The following FBXW8 variants were observed in gnomAD, a reference collection of about 807,000 sequenced individuals.
FBXW8 encodes the protein F-box and WD repeat domain containing 8.
Under a neutral mutation model 65.3 loss-of-function variants are expected in FBXW8, and 57 were observed. The ratio of observed to expected loss-of-function variants is 0.87; its 90% CI spans 0.71 to 1.09. The LOEUF is 1.09. Among genes scored for constraint, FBXW8 ranks in the 50% least tolerant of loss-of-function variants. The pLI is 0.00. For synonymous variants in FBXW8, 308 were observed against 330.2 expected, an observed-to-expected ratio of 0.93 and a Z score of 0.73; for missense variants, 777 against 814.8, an observed-to-expected ratio of 0.95 and a Z score of 0.57.
intron 2 of FBXW8, among the ~76,000 whole-genome samples, chr12:116,934,654 G>A (rs1882030932): frequency 6.6e-6 from 1 of 152,016 alleles, no homozygotes; most frequent in Admixed American, 6.6e-5. Flanking sequence ...AAATTCATAG[G>A]AAGTTGCAAA....
At chr12:116,968,836 C>T (rs1385494208) in intron 5 of FBXW8, among the ~76,000 whole-genome samples, 1 of 152,000 alleles carries the variant, frequency 6.6e-6, no homozygotes, top group African/African-American at 2.4e-5. Context: ...AAATGTGTAC[C>T]TGCTACTTGT....
At chr12:116,967,057 A>G (rs1884370911) in intron 5 of FBXW8, among the ~76,000 whole-genome samples, 1 of 152,134 alleles carries the variant, frequency 6.6e-6, no homozygotes, top group Admixed American at 6.5e-5. Flanking sequence ...AATGACAAAG[A>G]AAAAGTATGC....
chr12:117,027,874 C>G (rs1954271510), intron 10 of FBXW8, among the ~76,000 whole-genome samples, 154 bp from the exon 11 acceptor site: 1 of 152,248 alleles, frequency 6.6e-6, no homozygotes, highest in Non-Finnish European at 1.5e-5. Flanking sequence ...AAGCCGGGGA[C>G]TGTGAGTATC....
chr12:116,944,265 G>A (rs987477671), intron 2 of FBXW8, among the ~76,000 whole-genome samples: 1 of 152,098 alleles, frequency 6.6e-6, no homozygotes, highest in African/African-American at 2.4e-5. Context: ...ATCATTTTTG[G>A]TGGAATTCTT....
chr12:117,000,255 C>T (rs113888569), intron 7 of FBXW8, among the ~76,000 whole-genome samples: 1,891 of 152,304 alleles, frequency 0.012, 46 homozygotes, highest in African/African-American at 0.043. Flanking sequence ...GGATTACAGG[C>T]GTGAGCCACC....
chr12:117,020,777 A>G (rs188334899), intron 8 of FBXW8, among the ~76,000 whole-genome samples: 1 of 152,228 alleles, frequency 6.6e-6, no homozygotes, highest in East Asian at 1.9e-4. Flanking sequence ...GTCGCAGCTC[A>G]CCCTCTCCTG....
At chr12:117,024,070 CGTGGAG>C in intron 8 of FBXW8, 71 bp from the exon 9 acceptor site, 1 of 1,496,670 alleles carries the variant, frequency 6.7e-7, no homozygotes, top group African/African-American at 1.4e-5. Context: ...AGACCAGCAC[CGTGGAG>C]GGGGAGTTTG....
At chr12:116,928,812 C>T (rs1344766484) in intron 2 of FBXW8, among the ~76,000 whole-genome samples, 1 of 151,980 alleles carries the variant, frequency 6.6e-6, no homozygotes, top group Admixed American at 6.6e-5. Context: ...GCCTGACAGT[C>T]AACTTTCTTT....
At chr12:116,946,370 C>T (rs1882936682) in intron 3 of FBXW8, among the ~76,000 whole-genome samples, 1 of 152,174 alleles carries the variant, frequency 6.6e-6, no homozygotes, top group African/African-American at 2.4e-5. Context: ...CTAGCAAAGT[C>T]AATAAGAGCA....
chr12:116,982,640 T>TC (rs1313687063), intron 5 of FBXW8, among the ~76,000 whole-genome samples: 11 of 136,114 alleles, frequency 8.1e-5, no homozygotes, highest in Admixed American at 3.0e-4. Context: ...TTTTTTTTTT[T>TC]CCCAAAAAGA....
chr12:116,939,547 T>C (rs748520791), intron 2 of FBXW8, among the ~76,000 whole-genome samples: 1 of 152,234 alleles, frequency 6.6e-6, no homozygotes. Context: ...TCCATGTAAT[T>C]AAAGAATGGC....
intron 8 of FBXW8, among the ~76,000 whole-genome samples, chr12:117,017,561 T>C (rs1191487939): frequency 6.6e-6 from 1 of 152,230 alleles, no homozygotes; most frequent in Non-Finnish European, 1.5e-5. Context: ...GATTTTGGCA[T>C]ATAAGGTTAT....
intron 8 of FBXW8, among the ~76,000 whole-genome samples, chr12:117,017,927 T>C (rs185711170): frequency 9.2e-5 from 14 of 152,172 alleles, no homozygotes; most frequent in African/African-American, 2.9e-4. Flanking sequence ...CTGACAAATA[T>C]AAAGTTGTGT....
intron 4 of FBXW8, among the ~76,000 whole-genome samples, chr12:116,960,021 C>T (rs1404445622): frequency 6.6e-6 from 1 of 152,200 alleles, no homozygotes; most frequent in Non-Finnish European, 1.5e-5. Context: ...GTTCCAAAGG[C>T]TTACTGACAA....
At chr12:117,000,068 G>A (rs1450424728) in intron 7 of FBXW8, among the ~76,000 whole-genome samples, 1 of 144,030 alleles carries the variant, frequency 6.9e-6, no homozygotes, top group Non-Finnish European at 1.5e-5. Flanking sequence ...TGCAAGCTCC[G>A]CCTCCCGGGT....
Position 116,998,345 on chromosome 12 carries a change from A to G in FBXW8, c.1239+9476A>G, listed in dbSNP as rs995693552. On this transcript the variant is annotated intron_variant, in intron 7 of 10. Transcript: ENST00000652555. ...GCCAATAACATCTGTACCATTTTCT[A>G]ATTTTTAAAGGAATTATTCAGTCTT... Among the ~76,000 whole-genome samples, 3 of 149,528 alleles carry G rather than the reference A, an allele frequency of 2.0e-5. 1 individual carries two copies. The East Asian group carries it at 5.9e-4, about 30-fold the overall frequency.
intron 4 of FBXW8, among the ~76,000 whole-genome samples, chr12:116,960,632 C>T (rs1883924681): frequency 6.6e-6 from 1 of 152,158 alleles, no homozygotes; most frequent in Non-Finnish European, 1.5e-5. Context: ...GTGTTTCACT[C>T]ATCATTACCA....
chr12:117,010,361 G>A lies in FBXW8; in HGVS notation c.1278G>A (p.Leu426=). Residue 426 remains leucine, a synonymous_variant, in exon 8 of 11, where the codon TTG becomes TTA. Transcript: ENST00000652555. ...GCCTGGAAGCAGGACGCCGCCTCTT[G>A]AAGCTGGGTAACGTTCTCCGTGACT... is the stretch of plus-strand genomic sequence containing the variant. The part of the protein sequence containing the change: ...VYSLEAGRRL[L]KLGNVLRDFT... 5.6e-6 allele frequency: 9 copies of A among 1,614,232 alleles called. No individual in the cohort carries two copies. The highest frequency in any genetic ancestry group is 7.6e-6 in the Non-Finnish European group (9 of 1,180,048).
intron 1 of FBXW8, among the ~76,000 whole-genome samples, chr12:116,922,523 T>G (rs1048031310): frequency 1.3e-5 from 2 of 152,222 alleles, no homozygotes; most frequent in African/African-American, 4.8e-5. Flanking sequence ...ACAAAAACCT[T>G]AAGTCAGTTT....
Sources: gnomAD v4.1 joint callset for allele counts (sites outside exome capture counted in the v4.1 genomes callset) on GRCh38, gnomAD v4.1.1 for gene constraint, MANE v1.5 for transcripts, NCBI Gene and HGNC (gene_info 2026-07-23, HGNC 2026-07-21) for gene names.